Variants in ADGRG1 observed in about 807,000 individuals in gnomAD.
ADGRG1 encodes the protein adhesion G protein-coupled receptor G1.
In ADGRG1, 53 loss-of-function variants were observed where a neutral mutation model predicts 73.5. The observed-to-expected ratio is 0.72, with a 90% CI of 0.58 to 0.91. The LOEUF (loss-of-function observed/expected upper bound fraction) is 0.91, where lower values mean the gene tolerates loss of function less well. ADGRG1 is among the 40% of genes least tolerant of loss of function. The probability of loss-of-function intolerance (pLI) is 0.00; values close to 1 mark genes in which losing one functional copy is unlikely to be tolerated. For synonymous variants in ADGRG1, 394 were observed against 374.4 expected (o/e 1.05, Z -0.60); for missense variants, 795 against 871.8 (o/e 0.91, Z 1.11).
At chr16:57,630,044 A>G (rs1310083876) in intron 1 of ADGRG1, 2 of 981,054 alleles carry the variant, frequency 2.0e-6, no homozygotes, top group African/African-American at 3.5e-5. Context: ...CAGTGGACCA[A>G]GAAAGTTATT....
chr16:57,646,589 C>T (rs1312442287), intron 1 of ADGRG1: 1 of 985,244 alleles, frequency 1.0e-6, no homozygotes, highest in African/African-American at 1.7e-5. Flanking sequence ...AGGCTGGATT[C>T]TCTGCTACTC....
At chr16:57,637,769 TC>T in intron 1 of ADGRG1, 1 of 897,748 alleles carries the variant, frequency 1.1e-6, no homozygotes. Context: ...AGAGACACCA[TC>T]CCCTCAGCCC....
At chr16:57,633,390 A>C in intron 1 of ADGRG1, 13 of 985,416 alleles carry the variant, frequency 1.3e-5, no homozygotes, top group Non-Finnish European at 1.6e-5. Flanking sequence ...AAAGTCTCTG[A>C]TACCTAAATG....
At chr16:57,653,674 C>T (rs1378708375) in intron 4 of ADGRG1, 1 of 876,744 alleles carries the variant, frequency 1.1e-6, no homozygotes, top group Admixed American at 6.2e-5. Flanking sequence ...CGGAGCTGGG[C>T]CCAAACCCAT....
At chr16:57,644,973 CACACACCCCCAT>C (rs2042186865) in intron 1 of ADGRG1, 2 of 660,208 alleles carry the variant, frequency 3.0e-6, no homozygotes, top group Admixed American at 6.3e-5. Context: ...CATGCATGGG[CACACACCCCCAT>C]GCACACACAC....
At chr16:57,647,869 C>A in intron 1 of ADGRG1, 1 of 604,678 alleles carries the variant, frequency 1.7e-6, no homozygotes. Flanking sequence ...TGTTTCCTTC[C>A]AATGATGGGG....
upstream of ADGRG1, chr16:57,627,248 T>C (rs74982114): frequency 0.027 from 5,392 of 202,244 alleles, 192 homozygotes; most frequent in East Asian, 0.19. Flanking sequence ...CCACGTGGCA[T>C]GGGGAAGCTT....
upstream of ADGRG1, chr16:57,627,137 TC>T (rs2036000941): frequency 1.0e-6 from 1 of 975,776 alleles, no homozygotes; most frequent in Non-Finnish European, 1.2e-6. Flanking sequence ...TTGTGGCCCT[TC>T]CTTTCTGCAG....
chr16:57,645,394 C>A, intron 1 of ADGRG1: 1 of 877,278 alleles, frequency 1.1e-6, no homozygotes, highest in Non-Finnish European at 1.4e-6. Context: ...AACCTGATGC[C>A]TGCCCTTCTC....
At chr16:57,653,454 C>T (rs2044652629) in intron 4 of ADGRG1, 119 bp downstream of exon 4, 2 of 1,521,642 alleles carry the variant, frequency 1.3e-6, no homozygotes, top group African/African-American at 2.7e-5. Flanking sequence ...TGGAATGCTT[C>T]TTTGATTTCT....
At chr16:57,648,552 G>A (rs1419354297) in intron 1 of ADGRG1, 3 of 981,930 alleles carry the variant, frequency 3.1e-6, no homozygotes, top group East Asian at 1.1e-4. Context: ...GGGAGGACTG[G>A]CCCAGGAAGG....
chr16:57,629,064 G>A (rs1597049372), intron 1 of ADGRG1: 2 of 563,544 alleles, frequency 3.5e-6, no homozygotes, highest in Non-Finnish European at 4.5e-6. Context: ...GAGTATGAGT[G>A]TGAGTGTGAG....
chr16:57,624,168 G>A, upstream of ADGRG1: 1 of 981,830 alleles, frequency 1.0e-6, no homozygotes, highest in Non-Finnish European at 1.2e-6. Flanking sequence ...GCTTGCAAGG[G>A]GAGAAGCCTG....
At chr16:57,622,965 G>C (rs1374781088), upstream of ADGRG1, 2 of 985,296 alleles carry the variant, frequency 2.0e-6, no homozygotes, top group African/African-American at 3.5e-5. Context: ...ACGTCTGTCT[G>C]CATCTGGCTC....
intron 1 of ADGRG1, chr16:57,632,708 C>T: frequency 6.8e-6 from 6 of 885,490 alleles, no homozygotes; most frequent in Non-Finnish European, 8.1e-6. Flanking sequence ...GGCGCCTGCG[C>T]AGGCTCAGGC....
intron 10 of ADGRG1, among the ~76,000 whole-genome samples, chr16:57,657,912 G>A (rs1472753116): frequency 6.6e-6 from 1 of 151,582 alleles, no homozygotes; most frequent in Non-Finnish European, 1.5e-5. Context: ...TGGCTAATCT[G>A]TATATTTTTA....
intron 13 of ADGRG1, chr16:57,662,930 G>T: frequency 1.0e-6 from 1 of 985,366 alleles, no homozygotes; most frequent in Non-Finnish European, 1.2e-6. Context: ...GGAGCTGGGA[G>T]TTGGTGGTGG....
intron 1 of ADGRG1, chr16:57,643,787 G>A (rs1228200800): frequency 3.0e-6 from 3 of 984,782 alleles, no homozygotes; most frequent in Non-Finnish European, 2.4e-6. Context: ...TTGGACTTCC[G>A]TCACTCACTT....
intron 1 of ADGRG1, chr16:57,643,548 G>T: frequency 2.0e-6 from 2 of 984,904 alleles, no homozygotes; most frequent in Non-Finnish European, 1.2e-6. Flanking sequence ...TGAGGCCTGA[G>T]CTGGCGGTAT....
Sources: gnomAD v4.1 joint callset for allele counts (sites outside exome capture counted in the v4.1 genomes callset) on GRCh38, gnomAD v4.1.1 for gene constraint, MANE v1.5 for transcripts, NCBI Gene and HGNC (gene_info 2026-07-23, HGNC 2026-07-21) for gene names.